TRIM35: variants seen among roughly 807,000 people sequenced by gnomAD.
TRIM35 encodes tripartite motif containing 35, also known as E3 ubiquitin-protein ligase TRIM35.
Under a neutral mutation model 49.1 loss-of-function variants are expected in TRIM35, and 37 were observed. The observed-to-expected ratio is 0.75, with a 90% CI of 0.58 to 0.99. TRIM35 has a LOEUF of 0.99. Among genes scored for constraint, TRIM35 ranks in the 50% least tolerant of loss-of-function variants. The pLI is 0.00. For missense variants in TRIM35, 648 were observed against 702.7 expected (o/e 0.92, Z 0.88); for synonymous variants, 302 against 289.3 (o/e 1.04, Z -0.45).
rs1234303509 is a variant in TRIM35 at position 27,285,169 on chromosome 8, C to T, written c.*2381G>A. 1.3e-5 allele frequency: 2 copies of T among 152,176 alleles called. No homozygotes were observed. The highest frequency in any genetic ancestry group is 2.4e-5 in the African/African-American group (1 of 41,434). 9.4% of individuals were successfully genotyped at this position (152,176 alleles called of 1,614,324 possible). ...GCAAACCAAAATCACAATGAGATGC[C>T]ACATTACCCCTACTAGGATGGCTAA... is the stretch of plus-strand genomic sequence containing the variant. On this transcript the variant is annotated 3_prime_UTR_variant, in exon 6 of 6. Coordinates refer to ENST00000305364, the MANE Select transcript of TRIM35 (RefSeq NM_171982.5).
intron 2 of TRIM35, among the ~76,000 whole-genome samples, chr8:27,295,816 A>G (rs1802554367): frequency 6.6e-6 from 1 of 152,224 alleles, no homozygotes; most frequent in Non-Finnish European, 1.5e-5. Context: ...ATTCACTGAA[A>G]AAATGAAAAT....
intron 3 of TRIM35, among the ~76,000 whole-genome samples, chr8:27,291,494 G>A (rs1002343619): frequency 1.3e-5 from 2 of 152,314 alleles, no homozygotes; most frequent in East Asian, 3.9e-4. Flanking sequence ...TGGCCTAGCA[G>A]TTCTTCCAAT....
chr8:27,304,458 C>A (rs1378713092), intron 1 of TRIM35, among the ~76,000 whole-genome samples: 1 of 152,200 alleles, frequency 6.6e-6, no homozygotes, highest in African/African-American at 2.4e-5. Flanking sequence ...TCCAGGAAGC[C>A]CCCCGATCTT....
At chr8:27,290,821 G>A (rs1802437617) in intron 3 of TRIM35, among the ~76,000 whole-genome samples, 1 of 151,984 alleles carries the variant, frequency 6.6e-6, no homozygotes, top group African/African-American at 2.4e-5. Flanking sequence ...TCTTGAAAAA[G>A]AAGAACATTG....
intron 1 of TRIM35, among the ~76,000 whole-genome samples, chr8:27,301,517 C>T (rs1802682276): frequency 6.6e-6 from 1 of 152,150 alleles, no homozygotes; most frequent in Admixed American, 6.5e-5. Flanking sequence ...TTTTTAAGTA[C>T]TCAGTAAAGT....
At chr8:27,302,416 A>C (rs185975529) in intron 1 of TRIM35, among the ~76,000 whole-genome samples, 34 of 152,218 alleles carry the variant, frequency 2.2e-4, no homozygotes, top group Non-Finnish European at 4.4e-4. Flanking sequence ...TTTTAAATTA[A>C]AAAAACCCAA....
In TRIM35 at chr8:27,289,329, T is replaced by C. The variant is rs373674333; in HGVS notation, c.786-49A>G. The C allele has an allele frequency of 1.3e-4, 187 of 1,458,820 alleles. No individual in the cohort carries two copies. In the African/African-American group the frequency reaches 2.5e-3, roughly 19 times the overall value. 90.4% of individuals were successfully genotyped at this position (1,458,820 alleles called of 1,614,324 possible). On this transcript the variant is annotated intron_variant, in intron 4 of 5. Coordinates refer to ENST00000305364, the MANE Select transcript of TRIM35 (RefSeq NM_171982.5). ...TGGGCAGGGCCAGAGCCATGCAACC[T>C]GGGCCGAACTGGGCCAACTGGAAAC...
chr8:27,300,758 T>G (rs1384217144), intron 1 of TRIM35, among the ~76,000 whole-genome samples: 1 of 152,272 alleles, frequency 6.6e-6, no homozygotes, highest in Non-Finnish European at 1.5e-5. Context: ...CATCTCTAAT[T>G]TGCATGAGTG....
intron 3 of TRIM35, among the ~76,000 whole-genome samples, chr8:27,292,566 C>T (rs139377137): frequency 6.6e-6 from 1 of 152,300 alleles, no homozygotes; most frequent in African/African-American, 2.4e-5. Context: ...TTATATAATT[C>T]CATGCATTTG....
chr8:27,296,650 T>C (rs563636174), intron 2 of TRIM35, among the ~76,000 whole-genome samples: 1 of 152,334 alleles, frequency 6.6e-6, no homozygotes, highest in South Asian at 2.1e-4. Context: ...AACCCAGTCC[T>C]GTACAAGGCA....
At chr8:27,295,994 T>G (rs1002429997) in intron 2 of TRIM35, among the ~76,000 whole-genome samples, 3 of 152,132 alleles carry the variant, frequency 2.0e-5, no homozygotes, top group African/African-American at 7.2e-5. Context: ...TGAATTAGCA[T>G]TCACAGAAGA....
Position 27,289,166 on chromosome 8 carries a change from T to A in TRIM35, c.900A>T (p.Glu300Asp). Residue 300 changes from glutamate to aspartate, a missense_variant, in exon 5 of 6, where the codon GAA becomes GAT. By Grantham distance (45) the Glu-to-Asp change is conservative. Coordinates refer to ENST00000305364, the MANE Select transcript of TRIM35 (RefSeq NM_171982.5). ...RVWKKMLASVESVPFSFDPNT... is the reference protein window; with the variant it reads ...RVWKKMLASVDSVPFSFDPNT... ...CCTGCCGGCACCCCCGCTCACCAGA[T>A]TCCACAGATGCAAGCATCTTCTTCC... 1.9e-6 allele frequency: 3 copies of A among 1,613,592 alleles called. No homozygotes were observed. The highest frequency in any genetic ancestry group is 2.5e-6 in the Non-Finnish European group (3 of 1,179,652).
At chr8:27,310,658 G>A in intron 1 of TRIM35, 143 bp downstream of exon 1, 2 of 944,576 alleles carry the variant, frequency 2.1e-6, no homozygotes, top group South Asian at 3.5e-5. Context: ...GAGAACCTGG[G>A]TCGGAGAGGT....
chr8:27,311,127 C>A lies in TRIM35; in HGVS notation c.109G>T (p.Gly37Cys). Residue 37 changes from glycine to cysteine, a missense_variant, in exon 1 of 6, where the codon GGC becomes TGC. Physicochemically the swap from Gly to Cys is radical, Grantham distance 159. Transcript: ENST00000305364. The stretch of plus-strand genomic sequence containing the variant: ...ACGCACCCGCGGCAGAAGTTGTGGC[C>A]GCAGCGCAGAGTGACTGCGTCGCGG... ...PFRDAVTLRC[G>C]HNFCRGCVSR... 1 of 1,601,666 alleles carries A rather than the reference C, an allele frequency of 6.2e-7. No homozygotes were observed. The highest frequency in any genetic ancestry group is 1.1e-5 in the South Asian group (1 of 88,910).
Position 27,287,617 on chromosome 8 carries a change from GC to G in TRIM35, c.1414del (p.Ala472ProfsTer125). On this transcript the variant is annotated frameshift_variant, in exon 6 of 6. Coordinates refer to ENST00000305364, the MANE Select transcript of TRIM35 (RefSeq NM_171982.5). LOFTEE classifies it high-confidence loss of function. This position sits in a 1 kb window ranked among gnomAD's most constrained non-coding sequence, Gnocchi z 6.0. ...PYFYLGGARG[A>X]GPPEPLRICP... ...GATGCGCAAAGGCTCTGGAGGCCCG[GC>G]GCCCCGTGCACCCCCCAGGTAGAAG... 2 of 1,606,936 alleles carry G rather than the reference GC, an allele frequency of 1.2e-6. No individual in the cohort carries two copies. Among genetic ancestry groups the G allele is most frequent in the Non-Finnish European group, 1.7e-6 (2 of 1,176,658 alleles).
chr8:27,310,617 CT>C (rs2130349560), intron 1 of TRIM35, among the ~76,000 whole-genome samples, 183 bp downstream of exon 1: 1 of 152,388 alleles, frequency 6.6e-6, no homozygotes, highest in East Asian at 1.9e-4. Flanking sequence ...GCACGGGCCC[CT>C]GGGCCGACCT....
chr8:27,310,760 C>T, intron 1 of TRIM35, 41 bp downstream of exon 1: 2 of 1,535,678 alleles, frequency 1.3e-6, no homozygotes, highest in South Asian at 1.2e-5. Flanking sequence ...TTCCGGGTTC[C>T]AGACCCGGCT....
chr8:27,295,800 A>G (rs1802553686), intron 2 of TRIM35, among the ~76,000 whole-genome samples: 1 of 152,232 alleles, frequency 6.6e-6, no homozygotes, highest in African/African-American at 2.4e-5. Context: ...AAAATATACG[A>G]AAAGGATTCA....
Position 27,310,960 on chromosome 8 carries a change from C to A in TRIM35, c.276G>T (p.Trp92Cys), listed in dbSNP as rs944402718. 1.9e-6 allele frequency: 3 copies of A among 1,612,400 alleles called. No homozygotes were observed. The African/African-American group carries it at 4.0e-5, about 22-fold the overall frequency. Residue 92 changes from tryptophan to cysteine, a missense_variant, in exon 1 of 6, where the codon TGG (tryptophan) becomes TGT (cysteine). Transcript: ENST00000305364. ...LLREEAEGAR[W>C]TSYRFSRVCR... Reference sequence around the variant, plus strand: ...AGACACGCGAGAAGCGGTAGCTGGTCCAGCGCGCGCCCTCGGCCTCCTCGC... The same window carrying A: ...AGACACGCGAGAAGCGGTAGCTGGTACAGCGCGCGCCCTCGGCCTCCTCGC...
Sources: allele counts gnomAD v4.1 joint callset (sites outside exome capture counted in the v4.1 genomes callset), GRCh38; gene constraint gnomAD v4.1.1; non-coding constraint Gnocchi (gnomAD v3.1); transcripts MANE v1.5; gene names NCBI Gene and HGNC (gene_info 2026-07-23, HGNC 2026-07-21).